BANP: variants seen among roughly 807,000 people sequenced by gnomAD.
BANP encodes the protein BTG3 associated nuclear protein.
Under a neutral mutation model 68.1 loss-of-function variants are expected in BANP, and 11 were observed. That is an observed-to-expected ratio of 0.16 (90% CI 0.10 to 0.27). The LOEUF is 0.27. Ranked by LOEUF, BANP falls within the 10% of genes least tolerant of loss-of-function variation. The probability of loss-of-function intolerance (pLI) is 1.00; values close to 1 mark genes in which losing one functional copy is unlikely to be tolerated. For synonymous variants in BANP, 329 were observed against 303.2 expected, an observed-to-expected ratio of 1.09 and a Z score of -0.88; for missense variants, 504 against 722.7, an observed-to-expected ratio of 0.70 and a Z score of 3.47.
In BANP at chr16:87,981,147, C is replaced by G. The variant is rs369496507; in HGVS notation, c.162+20C>G. 8.0e-5 allele frequency: 126 copies of G among 1,574,280 alleles called. No homozygotes were observed. Among genetic ancestry groups the G allele is most frequent in the Non-Finnish European group, 1.1e-4 (122 of 1,144,080 alleles). On this transcript the variant is annotated intron_variant, in intron 3 of 13. Transcript: ENST00000682872. ...ATAAAGGTAAAAATCTGACTCTGTTCTGTGGTGTGTAGTGCGTTGCAGATT... is the reference window on the plus strand; with the variant it reads ...ATAAAGGTAAAAATCTGACTCTGTTGTGTGGTGTGTAGTGCGTTGCAGATT...
intron 11 of BANP, 103 bp from the exon 12 acceptor site, chr16:88,065,164 C>T: frequency 1.7e-6 from 1 of 598,826 alleles, no homozygotes. Context: ...CGTGGCTTTA[C>T]CGGAGGGCAG....
At chr16:87,991,622 T>A (rs906050447) in intron 4 of BANP, among the ~76,000 whole-genome samples, 38 of 152,222 alleles carry the variant, frequency 2.5e-4, no homozygotes, top group African/African-American at 9.2e-4. Context: ...TTTGTTACAT[T>A]TATCTCTGAG....
intron 11 of BANP, among the ~76,000 whole-genome samples, chr16:88,048,072 G>C (rs2082407060): frequency 1.3e-5 from 2 of 152,220 alleles, no homozygotes; most frequent in Non-Finnish European, 2.9e-5. Flanking sequence ...CCTCTGACTT[G>C]TGTGGCTTCC....
intron 8 of BANP, 22 bp downstream of exon 8, chr16:88,027,672 A>G: frequency 6.2e-7 from 1 of 1,611,626 alleles, no homozygotes; most frequent in South Asian, 1.1e-5. Flanking sequence ...GCTGCAGGAG[A>G]GGCCGCCCTC....
intron 10 of BANP, 52 bp from the exon 11 acceptor site, chr16:88,037,921 G>T (rs1435356180): frequency 1.9e-5 from 29 of 1,561,400 alleles, no homozygotes; most frequent in Non-Finnish European, 2.2e-5. Context: ...GTGTCTGAGG[G>T]TGTCTTGGTG....
rs547514440 is a variant in BANP at position 88,071,052 on chromosome 16, G to T, written c.1378-1017G>T. On this transcript the variant is annotated intron_variant, in intron 12 of 13. Transcript: ENST00000682872. This position sits in a 1 kb window ranked among gnomAD's most constrained non-coding sequence, Gnocchi z 6.5. ...TGTTTGCGGGGGCCAAGTTTGCTCT[G>T]TGCAGTGCTGCTGTTGTCCAGGGCA... 2.2e-5 allele frequency: 5 copies of T among 224,948 alleles called. No homozygotes were observed. Among genetic ancestry groups the T allele is most frequent in the Non-Finnish European group, 4.5e-5 (5 of 112,026 alleles). 13.9% of individuals were successfully genotyped at this position (224,948 alleles called of 1,614,324 possible).
intron 1 of BANP, among the ~76,000 whole-genome samples, chr16:87,964,456 G>C (rs1248835371): frequency 6.6e-6 from 1 of 152,132 alleles, no homozygotes; most frequent in East Asian, 1.9e-4. Context: ...TGCAGGAGGC[G>C]TGCAGGGGTG....
chr16:88,010,462 G>C (rs1329236141), intron 6 of BANP, among the ~76,000 whole-genome samples: 4 of 152,220 alleles, frequency 2.6e-5, no homozygotes, highest in Non-Finnish European at 4.4e-5. Context: ...GTGAAGGCTG[G>C]TGAGGCACAG....
chr16:87,986,734 T>C (rs1024698354), intron 4 of BANP, among the ~76,000 whole-genome samples: 2 of 152,246 alleles, frequency 1.3e-5, no homozygotes, highest in South Asian at 2.1e-4. Flanking sequence ...GCAAATGATA[T>C]CATTCACAGA....
At position 88,074,896 on chromosome 16, in the gene BANP, C is replaced by G. The variant is rs1237724185; in HGVS notation, c.1522-1694C>G. 7.9e-5 allele frequency among the ~76,000 whole-genome samples: 12 copies of G among 152,186 alleles called. No individual in the cohort carries two copies. In the East Asian group the frequency reaches 2.3e-3, roughly 29 times the overall value. On this transcript the variant is annotated intron_variant, in intron 13 of 13. Coordinates refer to ENST00000682872, the MANE Select transcript of BANP (RefSeq NM_001386991.1). Reference sequence around the variant, plus strand: ...GAACAGTATATCGAGTGTCATTTGACATTTGTCTTGAAAAAGCACAACCTG... The same window carrying G: ...GAACAGTATATCGAGTGTCATTTGAGATTTGTCTTGAAAAAGCACAACCTG...
At chr16:88,073,236 C>T (rs906874428) in intron 13 of BANP, among the ~76,000 whole-genome samples, 1 of 152,232 alleles carries the variant, frequency 6.6e-6, no homozygotes, top group African/African-American at 2.4e-5. Flanking sequence ...CCCTCAGCCG[C>T]GACAGCCGTG....
At chr16:88,073,087 G>A (rs1199519721) in intron 13 of BANP, among the ~76,000 whole-genome samples, 1 of 152,222 alleles carries the variant, frequency 6.6e-6, no homozygotes, top group African/African-American at 2.4e-5. Context: ...TGCTCCCCGG[G>A]CACTGCTGAG....
chr16:87,960,204 C>G (rs903340604), intron 1 of BANP, among the ~76,000 whole-genome samples: 1 of 152,194 alleles, frequency 6.6e-6, no homozygotes, highest in Non-Finnish European at 1.5e-5. Flanking sequence ...AGGGGAGATG[C>G]GAAACACTGG....
At chr16:87,996,559 G>A (rs2067284992) in intron 4 of BANP, among the ~76,000 whole-genome samples, 1 of 143,442 alleles carries the variant, frequency 7.0e-6, no homozygotes. Flanking sequence ...GCGCCGGCTG[G>A]GCTCTGGTTC....
chr16:88,054,074 TCAC>T (rs1397896866), intron 11 of BANP, among the ~76,000 whole-genome samples: 4 of 79,062 alleles, frequency 5.1e-5, no homozygotes, highest in African/African-American at 4.0e-5. Flanking sequence ...ACAACCACCT[TCAC>T]CACCACCTCT....
chr16:88,040,475 A>G (rs865883752), intron 11 of BANP, among the ~76,000 whole-genome samples: 22 of 144,742 alleles, frequency 1.5e-4, no homozygotes, highest in Admixed American at 6.2e-4. Context: ...CCCCGTCCCC[A>G]TGCCTACAGA....
At position 88,013,994 on chromosome 16, in the gene BANP, C is replaced by T. The variant is rs374198819; in HGVS notation, c.656-4434C>T. ...AAGCGCAGGGCGTGGAGCTGTGAGCCGCAAACACAGGCCAGCACAAACTGG... is the reference window on the plus strand; with the variant it reads ...AAGCGCAGGGCGTGGAGCTGTGAGCTGCAAACACAGGCCAGCACAAACTGG... On this transcript the variant is annotated intron_variant, in intron 6 of 13. Transcript: ENST00000682872. Among the ~76,000 whole-genome samples, 56 of 152,282 alleles carry T rather than the reference C, an allele frequency of 3.7e-4. 1 individual carries two copies. The East Asian group carries it at 5.6e-3, about 15-fold the overall frequency.
chr16:87,993,499 C>T (rs771551213), intron 4 of BANP, among the ~76,000 whole-genome samples: 11 of 152,316 alleles, frequency 7.2e-5, no homozygotes, highest in African/African-American at 2.2e-4. Flanking sequence ...CACATCCTTC[C>T]GGCTTTGGCC....
intron 1 of BANP, among the ~76,000 whole-genome samples, chr16:87,955,036 A>G (rs1597670092): frequency 6.6e-6 from 1 of 152,220 alleles, no homozygotes; most frequent in East Asian, 1.9e-4. Flanking sequence ...GTACCTGGGC[A>G]AGGCCCGGCA....
Sources: allele counts gnomAD v4.1 joint callset (sites outside exome capture counted in the v4.1 genomes callset), GRCh38; gene constraint gnomAD v4.1.1; non-coding constraint Gnocchi (gnomAD v3.1); transcripts MANE v1.5; gene names NCBI Gene and HGNC (gene_info 2026-07-23, HGNC 2026-07-21).